PNPLA7: variants seen among roughly 807,000 people sequenced by gnomAD.
PNPLA7 encodes patatin-like phospholipase domain-containing protein 7.
In PNPLA7, 153 loss-of-function variants were observed where a neutral mutation model predicts 161.7. The observed-to-expected ratio is 0.95, with a 90% CI of 0.83 to 1.08. PNPLA7 has a LOEUF of 1.08. PNPLA7 is among the 50% of genes least tolerant of loss of function. PNPLA7 has a pLI of 0.00. For missense variants in PNPLA7, 1,739 were observed against 1,856.6 expected, an observed-to-expected ratio of 0.94 and a Z score of 1.16; for synonymous variants, 809 against 782.1, an observed-to-expected ratio of 1.03 and a Z score of -0.57.
At chr9:137,522,645 AC>A (rs1835086552) in intron 9 of PNPLA7, 83 bp downstream of exon 9, 1 of 1,461,410 alleles carries the variant, frequency 6.8e-7, no homozygotes, top group Admixed American at 1.8e-5. Flanking sequence ...TGGGCAATAA[AC>A]CCACTCAAAT....
chr9:137,517,778 CT>C (rs1317204149), intron 11 of PNPLA7, among the ~76,000 whole-genome samples: 8 of 33,240 alleles, frequency 2.4e-4, no homozygotes, highest in Non-Finnish European at 3.0e-4. Flanking sequence ...CACTCCATCC[CT>C]CACTCACTCA....
chr9:137,537,707 G>A lies in PNPLA7; in HGVS notation c.747+2935C>T, dbSNP rs958186351. ...GCTGTGACACCAACGCGGATGAGAC[G>A]GATCGCAGCAGCTGAGAGGAACCCG... is the stretch of plus-strand genomic sequence containing the variant. On this transcript the variant is annotated intron_variant, in intron 8 of 34. Coordinates refer to ENST00000406427, the MANE Select transcript of PNPLA7 (RefSeq NM_001098537.3). This position sits in a 1 kb window ranked among gnomAD's most constrained non-coding sequence, Gnocchi z 4.5. Among the ~76,000 whole-genome samples the A allele has an allele frequency of 9.2e-5, 14 of 152,090 alleles. No individual in the cohort carries two copies. The highest frequency in any genetic ancestry group is 7.2e-5 in the African/African-American group (3 of 41,392).
At chr9:137,522,993 G>T (rs1028427997) in intron 8 of PNPLA7, 136 bp from the exon 9 acceptor site, 70 of 1,274,274 alleles carry the variant, frequency 5.5e-5, no homozygotes, top group Middle Eastern at 5.6e-4. Flanking sequence ...CCCAGGCTGG[G>T]CTGTGCAAAG....
At chr9:137,538,150 G>A (rs865983127) in intron 8 of PNPLA7, among the ~76,000 whole-genome samples, 2 of 152,236 alleles carry the variant, frequency 1.3e-5, no homozygotes, top group African/African-American at 4.8e-5. Flanking sequence ...CCTCGAAGAT[G>A]AGCACCGGCC....
At chr9:137,510,527 C>T (rs1418648340) in intron 12 of PNPLA7, among the ~76,000 whole-genome samples, 1 of 152,234 alleles carries the variant, frequency 6.6e-6, no homozygotes, top group Non-Finnish European at 1.5e-5. Context: ...ACGTGACTCA[C>T]GTGACCTTAC....
chr9:137,481,351 C>T (rs974829582), intron 21 of PNPLA7, among the ~76,000 whole-genome samples: 6 of 152,214 alleles, frequency 3.9e-5, no homozygotes, highest in Non-Finnish European at 8.8e-5. Context: ...TGTCCTGCCA[C>T]GTGTGCAGGG....
At chr9:137,501,920 C>T (rs527252930) in intron 14 of PNPLA7, among the ~76,000 whole-genome samples, 193 bp from the exon 15 acceptor site, 1 of 152,238 alleles carries the variant, frequency 6.6e-6, no homozygotes, top group East Asian at 1.9e-4. Flanking sequence ...GATGCCAAAC[C>T]AGGGCATCGG....
At chr9:137,530,053 C>T (rs1013599485) in intron 8 of PNPLA7, among the ~76,000 whole-genome samples, 1 of 151,994 alleles carries the variant, frequency 6.6e-6, no homozygotes, top group Non-Finnish European at 1.5e-5. Flanking sequence ...CAACTTCTGC[C>T]TCCCGGGTTC....
rs749830702 is a variant in PNPLA7 at position 137,540,688 on chromosome 9, G to C, written c.701C>G (p.Ala234Gly). 1.2e-6 allele frequency: 2 copies of C among 1,611,634 alleles called. No individual in the cohort carries two copies. The highest frequency in any genetic ancestry group is 1.7e-6 in the Non-Finnish European group (2 of 1,179,222). Residue 234 changes from alanine (A) to glycine (G), a missense_variant, in exon 8 of 35, where the codon GCG (alanine) becomes GGG (glycine). By Grantham distance (60) the Ala-to-Gly change is moderately conservative. This residue lies in a region of PNPLA7 where 152 missense variants were observed against 193.5 expected (regional missense o/e 0.79). Transcript: ENST00000406427. This position sits in a 1 kb window ranked among gnomAD's most constrained non-coding sequence, Gnocchi z 5.1. ...GAGCAGGCTGTGGACGCTGTCTCCCGCCAGAACCTCTTTCACCACCACCTC... is the reference window on the plus strand; with the variant it reads ...GAGCAGGCTGTGGACGCTGTCTCCCCCCAGAACCTCTTTCACCACCACCTC... ...GTEVVVKEVL[A>G]GDSVHSLLSI...
At chr9:137,460,518 C>A (rs1178401345) in intron 34 of PNPLA7, 42 bp from the exon 35 acceptor site, 1 of 1,608,304 alleles carries the variant, frequency 6.2e-7, no homozygotes, top group South Asian at 1.1e-5. Context: ...CCAGGCAGGG[C>A]AGGGGCTCTG....
chr9:137,509,578 T>C, intron 12 of PNPLA7: 1 of 323,280 alleles, frequency 3.1e-6, no homozygotes, highest in Non-Finnish European at 6.5e-6. Flanking sequence ...TTAACTGGTG[T>C]GAGTGAGTTT....
In PNPLA7 at chr9:137,462,018, G is replaced by A. The variant is rs1831232259; in HGVS notation, c.3669C>T (p.Arg1223=). ...TGCGGCCCCAGATGTCAAACACCGT[G>A]CGCCCGTGCTGGTAGCCCACTTCCT... is the stretch of plus-strand genomic sequence containing the variant. The part of the protein sequence containing the change: ...EICEVGYQHG[R]TVFDIWGRSG... The change falls in exon 32 of 35, where the codon CGC becomes CGT. Residue 1223 remains arginine, a synonymous_variant. Transcript: ENST00000406427. 6.2e-7 allele frequency: 1 copy of A among 1,601,254 alleles called. No homozygotes were observed. The highest frequency in any genetic ancestry group is 8.5e-7 in the Non-Finnish European group (1 of 1,175,428).
At chr9:137,492,708 G>A (rs1832834822) in intron 20 of PNPLA7, among the ~76,000 whole-genome samples, 1 of 150,222 alleles carries the variant, frequency 6.7e-6, no homozygotes, top group Admixed American at 6.6e-5. Context: ...GCCATGGGCT[G>A]GGTAGGCAGG....
chr9:137,545,610 T>C (rs888290422), intron 4 of PNPLA7, among the ~76,000 whole-genome samples: 9 of 152,254 alleles, frequency 5.9e-5, no homozygotes, highest in South Asian at 2.1e-4. Context: ...AGATCTTAGA[T>C]ATGATTATAT....
In PNPLA7 at chr9:137,509,954, A is replaced by C. The variant is rs542464962; in HGVS notation, c.1226-3871T>G. Reference sequence around the variant, plus strand: ...AATATTATAATAATCCTCGCTCTACAATCATAACCTAGGAAAAACCAGGCC... The same window carrying C: ...AATATTATAATAATCCTCGCTCTACCATCATAACCTAGGAAAAACCAGGCC... On this transcript the variant is annotated intron_variant, in intron 12 of 34. Coordinates refer to ENST00000406427, the MANE Select transcript of PNPLA7 (RefSeq NM_001098537.3). The C allele has an allele frequency of 4.6e-3, 1,520 of 333,006 alleles. 6 individuals are homozygous for C. Among genetic ancestry groups the C allele is most frequent in the South Asian group, 5.9e-3 (244 of 41,266 alleles). 20.6% of individuals were successfully genotyped at this position (333,006 alleles called of 1,614,324 possible).
Position 137,462,217 on chromosome 9 carries a change from A to G in PNPLA7, c.3607T>C (p.Tyr1203His), listed in dbSNP as rs778312655. The stretch of plus-strand genomic sequence containing the variant: ...AACTTGCCGAAGTCCAGGGTGCTGT[A>G]GCTGTCGATGGGGGGGCGCAGGTAC... ...CEYLRPPIDSYSTLDFGKFNE... is the reference protein window; with the variant it reads ...CEYLRPPIDSHSTLDFGKFNE... Residue 1203 changes from tyrosine to histidine, a missense_variant, in exon 31 of 35, where the codon TAC becomes CAC. By Grantham distance (83) the Tyr-to-His change is moderately conservative (BLOSUM62 2). This residue lies in a region of PNPLA7 where 703 missense variants were observed against 694.6 expected (regional missense o/e 1.01). Coordinates refer to ENST00000406427, the MANE Select transcript of PNPLA7 (RefSeq NM_001098537.3). 2.9e-5 allele frequency: 46 copies of G among 1,600,240 alleles called. No homozygotes were observed. Among genetic ancestry groups the G allele is most frequent in the Non-Finnish European group, 3.8e-5 (45 of 1,172,792 alleles).
In PNPLA7 at chr9:137,500,740, C is replaced by T. The variant is rs1053081559; in HGVS notation, c.1708G>A (p.Ala570Thr). Residue 570 changes from alanine to threonine, a missense_variant, in exon 16 of 35, where the codon GCC becomes ACC. Physicochemically the swap from Ala to Thr is moderately conservative, Grantham distance 58 (BLOSUM62 0). Transcript: ENST00000406427. This position sits in a 1 kb window ranked among gnomAD's most constrained non-coding sequence, Gnocchi z 5.5. Reference protein sequence around the residue: ...TGEPLIFTVKANRDCSFLSIS... With the variant: ...TGEPLIFTVKTNRDCSFLSIS... Reference sequence around the variant, plus strand: ...GACAGGAAGCTGCAGTCCCTGTTGGCCTTGACGGTGAAGATGAGAGGCTCC... The same window carrying T: ...GACAGGAAGCTGCAGTCCCTGTTGGTCTTGACGGTGAAGATGAGAGGCTCC... 1 of 1,612,358 alleles carries T rather than the reference C, an allele frequency of 6.2e-7. No homozygotes were observed. Among genetic ancestry groups the T allele is most frequent in the East Asian group, 2.2e-5 (1 of 44,864 alleles).
intron 19 of PNPLA7, among the ~76,000 whole-genome samples, chr9:137,493,581 G>T (rs1564307790): frequency 6.6e-6 from 1 of 152,240 alleles, no homozygotes. Context: ...TGGCTTGCAG[G>T]GACCCTGCCC....
rs754389469 is a variant in PNPLA7 at position 137,498,130 on chromosome 9, C to T, written c.1873G>A (p.Gly625Arg). The T allele has an allele frequency of 1.4e-5, 23 of 1,612,940 alleles. No individual in the cohort carries two copies. The highest frequency in any genetic ancestry group is 9.3e-5 in the African/African-American group (7 of 74,938). The change falls in exon 17 of 35, where the codon GGG (glycine) becomes AGG (arginine). Residue 625 changes from glycine to arginine, a missense_variant. Physicochemically the swap from Gly to Arg is moderately radical, Grantham distance 125. Around this residue, in one of 6 missense-constraint regions of PNPLA7, gnomAD observed 481 missense variants for 450.0 expected, o/e 1.07. Coordinates refer to ENST00000406427, the MANE Select transcript of PNPLA7 (RefSeq NM_001098537.3). ...FALDWVEVEA[G>R]RAIYRQGDKS... is the part of the protein sequence containing the mutation. The stretch of plus-strand genomic sequence containing the variant: ...CGGCCTCACCTGTATATTGCTCGCC[C>T]GGCCTCCACCTCCACCCAGTCCAGG...
Sources: gnomAD v4.1 joint callset for allele counts (sites outside exome capture counted in the v4.1 genomes callset) on GRCh38, gnomAD v4.1.1 for gene constraint, gnomAD v4.1.1 regional missense constraint, Gnocchi (gnomAD v3.1) non-coding constraint, MANE v1.5 for transcripts, NCBI Gene and HGNC (gene_info 2026-07-23, HGNC 2026-07-21) for gene names.